The following TBC1D8 variants were observed in gnomAD, a reference collection of about 807,000 sequenced individuals.
TBC1D8 encodes the protein TBC1 domain family member 8, also known as BUB2-like protein 1.
In TBC1D8, 65 loss-of-function variants were observed where a neutral mutation model predicts 118.8. That is an observed-to-expected ratio of 0.55 (90% CI 0.45 to 0.67). The LOEUF is 0.67. Among genes scored for constraint, TBC1D8 ranks in the 30% least tolerant of loss-of-function variants. TBC1D8 has a pLI of 0.00. For missense variants in TBC1D8, 1,376 were observed against 1,471.2 expected (o/e 0.94, Z 1.06); for synonymous variants, 566 against 595.8 (o/e 0.95, Z 0.73).
chr2:101,045,980 A>C (rs942079874), intron 5 of TBC1D8, among the ~76,000 whole-genome samples: 1 of 152,190 alleles, frequency 6.6e-6, no homozygotes, highest in Non-Finnish European at 1.5e-5. Flanking sequence ...GCAACAGAGC[A>C]ACATTCTGCC....
intron 15 of TBC1D8, among the ~76,000 whole-genome samples, chr2:101,026,289 C>T (rs974715910): frequency 6.6e-6 from 1 of 152,232 alleles, no homozygotes; most frequent in Non-Finnish European, 1.5e-5. Flanking sequence ...TGTTTTCCTT[C>T]CTTGAAAGCC....
intron 5 of TBC1D8, among the ~76,000 whole-genome samples, chr2:101,045,006 C>A (rs1681610270): frequency 6.6e-6 from 1 of 152,158 alleles, no homozygotes; most frequent in Non-Finnish European, 1.5e-5. Context: ...CTCGGCCTCC[C>A]AAAGTGCTGG....
In TBC1D8 at chr2:101,084,142, G is replaced by A. The variant is rs550849484; in HGVS notation, c.283+6067C>T. 5.3e-5 allele frequency among the ~76,000 whole-genome samples: 8 copies of A among 152,308 alleles called. No individual in the cohort carries two copies. In the South Asian group the frequency reaches 1.0e-3, roughly 20 times the overall value. On this transcript the variant is annotated intron_variant, in intron 2 of 19. Coordinates refer to ENST00000409318, the MANE Select transcript of TBC1D8 (RefSeq NM_001330348.2). ...AGCTGATCTCGGCTCAACAGAAAGA[G>A]GGTCTAGGAGTTAACCTGCTCAGGA... is the stretch of plus-strand genomic sequence containing the variant.
At chr2:101,033,287 T>C in intron 10 of TBC1D8, 1 of 511,194 alleles carries the variant, frequency 2.0e-6, no homozygotes, top group South Asian at 1.9e-5. Flanking sequence ...CAGCTAATTT[T>C]TGTATTTTTA....
At chr2:101,036,920 A>ATT (rs1395541428) in intron 8 of TBC1D8, among the ~76,000 whole-genome samples, 6 of 152,214 alleles carry the variant, frequency 3.9e-5, no homozygotes, top group Non-Finnish European at 4.4e-5. Flanking sequence ...TAAAACCAAC[A>ATT]ATAGATTTTA....
intron 1 of TBC1D8, among the ~76,000 whole-genome samples, chr2:101,123,083 G>C (rs543139340): frequency 9.2e-5 from 14 of 152,198 alleles, no homozygotes; most frequent in African/African-American, 3.4e-4. Context: ...CTAAAACAGA[G>C]CAGGAAACTG....
chr2:101,007,313 A>G lies in TBC1D8; in HGVS notation c.*508T>C, dbSNP rs766536641. ...CACAACAACATTTTTGGAAGGACAT[A>G]TAAAGTGAATACAACCAAATATATT... is the stretch of plus-strand genomic sequence containing the variant. On this transcript the variant is annotated 3_prime_UTR_variant, in exon 20 of 20. Coordinates refer to ENST00000409318, the MANE Select transcript of TBC1D8 (RefSeq NM_001330348.2). 5.9e-5 allele frequency: 9 copies of G among 153,588 alleles called. No homozygotes were observed. Among genetic ancestry groups the G allele is most frequent in the Non-Finnish European group, 1.2e-4 (8 of 69,002 alleles). 9.5% of individuals were successfully genotyped at this position (153,588 alleles called of 1,614,324 possible). A position where few individuals can be genotyped will look rare whatever the true frequency, so the allele number is the denominator to read the frequency against.
At chr2:101,081,975 C>T (rs1313475660) in intron 2 of TBC1D8, among the ~76,000 whole-genome samples, 1 of 152,098 alleles carries the variant, frequency 6.6e-6, no homozygotes, top group Non-Finnish European at 1.5e-5. Flanking sequence ...TCTGTCTCTA[C>T]TAAAAATACA....
intron 2 of TBC1D8, among the ~76,000 whole-genome samples, chr2:101,077,515 G>A (rs867220444): frequency 3.9e-4 from 60 of 152,264 alleles, no homozygotes; most frequent in Admixed American, 1.6e-3. Context: ...CCAAAGTGCT[G>A]GGATTACAGG....
At chr2:101,027,263 C>T in intron 15 of TBC1D8, 120 bp downstream of exon 15, 1 of 869,376 alleles carries the variant, frequency 1.2e-6, no homozygotes, top group Non-Finnish European at 1.9e-6. Context: ...AGGGGGGCAG[C>T]TCCGGCCTCT....
chr2:101,023,553 G>A lies in TBC1D8; in HGVS notation c.2521-1032C>T, dbSNP rs111317315. The A allele has an allele frequency of 3.2e-4, 122 of 384,986 alleles. 1 individual carries two copies. Among genetic ancestry groups the A allele is most frequent in the African/African-American group, 2.1e-3 (97 of 45,564 alleles). The allele number at this position is 384,986 out of a possible 1,614,324, so 23.8% of individuals were successfully genotyped here. On this transcript the variant is annotated intron_variant, in intron 15 of 19. Coordinates refer to ENST00000409318, the MANE Select transcript of TBC1D8 (RefSeq NM_001330348.2). ...GGGAGGGCCCCAGAGGTGGAAGTGA[G>A]ACTTTTTATTGCATATTTTTAATAC...
chr2:101,121,304 T>C (rs1678090216), intron 1 of TBC1D8, among the ~76,000 whole-genome samples: 1 of 152,114 alleles, frequency 6.6e-6, no homozygotes, highest in Admixed American at 6.5e-5. Context: ...CTAACACATA[T>C]CAGACATATG....
chr2:101,105,061 C>T (rs3899062), intron 1 of TBC1D8, among the ~76,000 whole-genome samples: 22,548 of 149,430 alleles, frequency 0.15, 1,857 homozygotes, highest in Middle Eastern at 0.25. Context: ...CAACATAACA[C>T]AGGAGAAGGC....
chr2:101,133,910 A>G (rs1486637447), intron 1 of TBC1D8, among the ~76,000 whole-genome samples: 2 of 152,200 alleles, frequency 1.3e-5, no homozygotes, highest in Non-Finnish European at 2.9e-5. Context: ...AGCAGGACAG[A>G]GAGAGTGTGT....
chr2:101,028,505 G>A, intron 12 of TBC1D8, 73 bp from the exon 13 acceptor site: 1 of 1,496,754 alleles, frequency 6.7e-7, no homozygotes. Context: ...CCTTCACAGT[G>A]TCAGACATGC....
chr2:101,010,881 CAA>C (rs35511736), intron 19 of TBC1D8, 46 bp downstream of exon 19: 21,082 of 1,270,646 alleles, frequency 0.017, no homozygotes, highest in Middle Eastern at 0.019. Flanking sequence ...GACTCCATCT[CAA>C]AAAAAAAAAA....
intron 17 of TBC1D8, chr2:101,018,239 T>A (rs1679799204): frequency 4.2e-6 from 1 of 240,568 alleles, no homozygotes; most frequent in African/African-American, 2.2e-5. Flanking sequence ...ATTTGTGACC[T>A]CCTTTTTTCC....
chr2:101,125,299 T>C (rs1678303884), intron 1 of TBC1D8, among the ~76,000 whole-genome samples: 1 of 151,988 alleles, frequency 6.6e-6, no homozygotes, highest in Non-Finnish European at 1.5e-5. Flanking sequence ...AGAAAAATAG[T>C]TTAAAAAAAA....
intron 17 of TBC1D8, among the ~76,000 whole-genome samples, chr2:101,015,389 T>G (rs1679549443): frequency 6.6e-6 from 1 of 152,194 alleles, no homozygotes; most frequent in Non-Finnish European, 1.5e-5. Context: ...TTATAAACAC[T>G]TAACTGTACT....
Sources: allele counts gnomAD v4.1 joint callset (sites outside exome capture counted in the v4.1 genomes callset), GRCh38; gene constraint gnomAD v4.1.1; transcripts MANE v1.5; gene names NCBI Gene and HGNC (gene_info 2026-07-23, HGNC 2026-07-21).